Variants in MYOM3 observed in about 807,000 individuals in gnomAD.
MYOM3 encodes the protein myomesin 3.
In MYOM3, 155 loss-of-function variants were observed where a neutral mutation model predicts 191.7. The ratio of observed to expected loss-of-function variants is 0.81; its 90% CI spans 0.71 to 0.92. The LOEUF (loss-of-function observed/expected upper bound fraction) is 0.92, where lower values mean the gene tolerates loss of function less well. Ranked by LOEUF, MYOM3 falls within the 40% of genes least tolerant of loss-of-function variation. The pLI, the probability that MYOM3 is intolerant of heterozygous loss-of-function variation, is 0.00. For synonymous variants in MYOM3, 757 were observed against 762.9 expected (o/e 0.99, Z 0.13); for missense variants, 1,889 against 1,890.6 (o/e 1.00, Z 0.02).
intron 32 of MYOM3, 138 bp downstream of exon 32, chr1:24,062,988 C>G (rs915940111): frequency 4.8e-6 from 3 of 630,158 alleles, no homozygotes; most frequent in Non-Finnish European, 8.7e-6. Flanking sequence ...TCTCTGCTAA[C>G]CCCTGGGACC....
chr1:24,081,358 C>T lies in MYOM3; in HGVS notation c.2379G>A (p.Glu793=). Residue 793 remains glutamate (E), a synonymous_variant, in exon 19 of 37, where the codon GAG becomes GAA. Transcript: ENST00000374434. ...GELSAPSSLF[E]CKEWTMPQPG... ...GCTGGGGCATTGTCCACTCTTTGCA[C>T]TCAAACAGGCTGCTGGGTGCCGACA... The T allele has an allele frequency of 1.2e-6, 2 of 1,614,118 alleles. No individual in the cohort carries two copies. The highest frequency in any genetic ancestry group is 2.2e-5 in the South Asian group (2 of 91,070).
rs1644036921 is a variant in MYOM3, at chr1:24,111,377, T to A, written c.-19+654A>T. Among the ~76,000 whole-genome samples, 1 of 152,096 alleles carries A rather than the reference T, an allele frequency of 6.6e-6. No individual in the cohort carries two copies. Among genetic ancestry groups the A allele is most frequent in the Admixed American group, 6.5e-5 (1 of 15,278 alleles). On this transcript the variant is annotated intron_variant, in intron 1 of 36. Transcript: ENST00000374434. This position sits in a 1 kb window ranked among gnomAD's most constrained non-coding sequence, Gnocchi z 4.7. ...GCCAAGACCCCTCCAGGAGCTGCGATGGGGGCGGATGGTGGCTGGGAGCAG... is the reference window on the plus strand; with the variant it reads ...GCCAAGACCCCTCCAGGAGCTGCGAAGGGGGCGGATGGTGGCTGGGAGCAG...
intron 20 of MYOM3, among the ~76,000 whole-genome samples, chr1:24,079,650 A>G (rs1221777157): frequency 2.0e-5 from 3 of 152,206 alleles, no homozygotes; most frequent in Non-Finnish European, 4.4e-5. Context: ...GGGCCGTTAC[A>G]AACAAGGCTA....
chr1:24,103,383 C>G (rs1041112164), intron 5 of MYOM3, among the ~76,000 whole-genome samples: 2 of 152,236 alleles, frequency 1.3e-5, no homozygotes, highest in Non-Finnish European at 2.9e-5. Flanking sequence ...CTGAGGCCAG[C>G]TCCCTCAAGA....
intron 19 of MYOM3, 22 bp downstream of exon 19, chr1:24,081,308 T>A (rs765422261): frequency 3.1e-6 from 5 of 1,612,522 alleles, no homozygotes; most frequent in Non-Finnish European, 4.2e-6. Context: ...GGCACTGGAC[T>A]TCAGGCCTGC....
At chr1:24,082,482 G>T (rs1643684277) in intron 17 of MYOM3, 111 bp downstream of exon 17, 1 of 1,371,222 alleles carries the variant, frequency 7.3e-7, no homozygotes, top group Non-Finnish European at 9.6e-7. Context: ...CCCTCAGAGG[G>T]CGTATGTGCC....
rs904762760 is a variant in MYOM3, at chr1:24,105,915, C to T, written c.560+5G>A. The T allele has an allele frequency of 6.3e-7, 1 of 1,599,332 alleles. No individual in the cohort carries two copies. The highest frequency in any genetic ancestry group is 1.3e-5 in the African/African-American group (1 of 74,566). Reference sequence around the variant, plus strand: ...CCAGAACCCCTTCCTGCCCCAGCGGCTTACCAGGTGACCTGGGGTGGTGGT... The same window carrying T: ...CCAGAACCCCTTCCTGCCCCAGCGGTTTACCAGGTGACCTGGGGTGGTGGT... On this transcript the variant is annotated splice_donor_5th_base_variant and intron_variant, in intron 5 of 36. Transcript: ENST00000374434.
intron 32 of MYOM3, 106 bp from the exon 33 acceptor site, chr1:24,062,215 T>C: frequency 7.9e-7 from 1 of 1,262,566 alleles, no homozygotes; most frequent in South Asian, 1.3e-5. Flanking sequence ...TCACGGGCTA[T>C]GGGTGGTGAC....
In MYOM3 at chr1:24,109,319, C is replaced by T. The variant is rs114646791; in HGVS notation, c.-18-665G>A. ...GGAAAGACTCATGACTTTGTTTCCT[C>T]ATCTGTAAAATGGGTCTACTAACCT... On this transcript the variant is annotated intron_variant, in intron 1 of 36. Transcript: ENST00000374434. Among the ~76,000 whole-genome samples, 226 of 152,330 alleles carry T rather than the reference C, an allele frequency of 1.5e-3. 2 individuals are homozygous for T. Among genetic ancestry groups the T allele is most frequent in the African/African-American group, 5.3e-3 (222 of 41,576 alleles).
At chr1:24,089,277 T>C (rs1393077637) in intron 14 of MYOM3, among the ~76,000 whole-genome samples, 1 of 152,196 alleles carries the variant, frequency 6.6e-6, no homozygotes, top group Non-Finnish European at 1.5e-5. Context: ...CGTATTGTCA[T>C]TGTTGTCTGT....
At chr1:24,058,619 A>G (rs1643330765) in intron 36 of MYOM3, among the ~76,000 whole-genome samples, 1 of 152,248 alleles carries the variant, frequency 6.6e-6, no homozygotes, top group African/African-American at 2.4e-5. Context: ...AAATAAGTTC[A>G]GTCCTAGACG....
rs60391221 is a variant in MYOM3, at chr1:24,067,356, CTT to C, written c.3356-270_3356-269del. Among the ~76,000 whole-genome samples the C allele has an allele frequency of 3.6e-3, 322 of 90,248 alleles. 13 individuals are homozygous for C. Among genetic ancestry groups the C allele is most frequent in the South Asian group, 0.026 (62 of 2,358 alleles). The allele number at this position is 90,248 out of a possible 152,430, so 59.2% of individuals were successfully genotyped here. On this transcript the variant is annotated intron_variant, in intron 27 of 36. Coordinates refer to ENST00000374434, the MANE Select transcript of MYOM3 (RefSeq NM_152372.4). ...TCTTTCTTTCTTTCTTTCTTTCTTTCTTTCTTTCTTTCTTTCCTTCTTTCTTT... is the reference window on the plus strand; with the variant it reads ...TCTTTCTTTCTTTCTTTCTTTCTTTCTCTTTCTTTCTTTCCTTCTTTCTTT...
At chr1:24,076,074 G>T (rs1643595139) in intron 21 of MYOM3, 85 bp downstream of exon 21, 1 of 1,066,278 alleles carries the variant, frequency 9.4e-7, no homozygotes, top group Non-Finnish European at 1.4e-6. Context: ...CACAGCATCA[G>T]GCTTCTCCCA....
rs1028853093 is a variant in MYOM3 at position 24,063,606 on chromosome 1, A to G, written c.3623-76T>C. ...TGTGCTAGGAGTGGGGACATCCTAGAAAAAGGCTGGTGGAGCCCGTGAGCT... is the reference window on the plus strand; with the variant it reads ...TGTGCTAGGAGTGGGGACATCCTAGGAAAAGGCTGGTGGAGCCCGTGAGCT... On this transcript the variant is annotated intron_variant, in intron 30 of 36. Coordinates refer to ENST00000374434, the MANE Select transcript of MYOM3 (RefSeq NM_152372.4). The surrounding 1 kb of genome is among the most constrained non-coding windows in gnomAD (Gnocchi z 4.5). 7.1e-6 allele frequency: 11 copies of G among 1,559,512 alleles called. No individual in the cohort carries two copies. Among genetic ancestry groups the G allele is most frequent in the Non-Finnish European group, 9.7e-6 (11 of 1,133,178 alleles).
chr1:24,105,470 T>A (rs996059389), intron 5 of MYOM3, among the ~76,000 whole-genome samples: 3 of 152,192 alleles, frequency 2.0e-5, no homozygotes, highest in Admixed American at 1.3e-4. Context: ...CTCACCGTCA[T>A]CCTCAACCCT....
chr1:24,068,925 T>C (rs1423889330), intron 25 of MYOM3, among the ~76,000 whole-genome samples: 1 of 152,158 alleles, frequency 6.6e-6, no homozygotes, highest in African/African-American at 2.4e-5. Context: ...GGTTTCACCA[T>C]GTTGGCCAGG....
Position 24,081,966 on chromosome 1 carries a change from T to C in MYOM3, c.2280+35A>G, listed in dbSNP as rs1278597735. 4 of 1,582,558 alleles carry C rather than the reference T, an allele frequency of 2.5e-6. No individual in the cohort carries two copies. The Admixed American group carries it at 6.9e-5, about 27-fold the overall frequency. On this transcript the variant is annotated intron_variant, in intron 18 of 36. Coordinates refer to ENST00000374434, the MANE Select transcript of MYOM3 (RefSeq NM_152372.4). ...TGCCCTCTGGTCGCTGCTAAACAAG[T>C]CATGACACAGGCTGGGGCCACCTTC...
intron 36 of MYOM3, among the ~76,000 whole-genome samples, chr1:24,058,320 G>A (rs1038568863): frequency 1.3e-5 from 2 of 152,162 alleles, no homozygotes; most frequent in Non-Finnish European, 2.9e-5. Context: ...CTAATGCAGA[G>A]CACTATAATG....
At chr1:24,100,763 T>A (rs1643905926) in intron 5 of MYOM3, among the ~76,000 whole-genome samples, 1 of 151,952 alleles carries the variant, frequency 6.6e-6, no homozygotes, top group Admixed American at 6.5e-5. Flanking sequence ...GGCGGGCGCC[T>A]GTAGTCCCAG....
Sources: gnomAD v4.1 joint callset for allele counts (sites outside exome capture counted in the v4.1 genomes callset) on GRCh38, gnomAD v4.1.1 for gene constraint, Gnocchi (gnomAD v3.1) non-coding constraint, MANE v1.5 for transcripts, NCBI Gene and HGNC (gene_info 2026-07-23, HGNC 2026-07-21) for gene names.